HDAC8: variants seen among roughly 807,000 people sequenced by gnomAD.
HDAC8 encodes histone deacetylase 8, also known as histone deacetylase-like 1.
A neutral mutation model predicts 32.2 loss-of-function variants in HDAC8; 1 was observed. The observed-to-expected ratio is 0.03, with a 90% CI of 0.01 to 0.15. HDAC8 has a LOEUF of 0.15. Among genes scored for constraint, HDAC8 ranks in the 10% least tolerant of loss-of-function variants. The pLI is 1.00. For missense variants in HDAC8, 117 were observed against 300.0 expected, an observed-to-expected ratio of 0.39 and a Z score of 4.51; for synonymous variants, 108 against 113.9, an observed-to-expected ratio of 0.95 and a Z score of 0.33.
At chrX:72,363,102 G>C (rs2044599897) in intron 9 of HDAC8, among the ~76,000 whole-genome samples, 1 of 104,009 alleles carries the variant, frequency 9.6e-6, no homozygotes, top group African/African-American at 3.3e-5. Flanking sequence ...TTTTCCTTCA[G>C]GGTATGGTTT....
chrX:72,442,963 A>C (rs2047208700), intron 9 of HDAC8, among the ~76,000 whole-genome samples: 1 of 99,709 alleles, frequency 1.0e-5, no homozygotes, highest in Admixed American at 1.1e-4. Context: ...TGGTAAAGGG[A>C]TCAATTCAAC....
At chrX:72,336,706 C>T (rs782538744) in intron 10 of HDAC8, among the ~76,000 whole-genome samples, 56 of 111,220 alleles carry the variant, frequency 5.0e-4, no homozygotes, top group Non-Finnish European at 7.6e-4. Flanking sequence ...GCAGGAGCCA[C>T]CACACCCCCA....
chrX:72,543,647 A>C (rs1030350632), intron 4 of HDAC8, among the ~76,000 whole-genome samples: 3 of 112,441 alleles, frequency 2.7e-5, no homozygotes, highest in Non-Finnish European at 3.8e-5. Flanking sequence ...GACAGGAGAC[A>C]ACTGAAAGAC....
At chrX:72,519,483 T>A (rs1292628143) in intron 4 of HDAC8, among the ~76,000 whole-genome samples, 2 of 112,611 alleles carry the variant, frequency 1.8e-5, no homozygotes, top group Non-Finnish European at 1.9e-5. Flanking sequence ...TCTTTTTGAT[T>A]ACAGCTATTC....
chrX:72,360,897 A>G (rs1236074704), intron 9 of HDAC8, among the ~76,000 whole-genome samples: 6 of 112,193 alleles, frequency 5.3e-5, no homozygotes, highest in African/African-American at 1.3e-4. Flanking sequence ...GCTTTACAAC[A>G]CAGACAAACA....
intron 2 of HDAC8, among the ~76,000 whole-genome samples, chrX:72,570,788 A>G (rs2052003581): frequency 8.9e-6 from 1 of 112,071 alleles, no homozygotes; most frequent in East Asian, 2.8e-4. Flanking sequence ...GTAATCCTAT[A>G]TGTGGCAGGG....
chrX:72,496,836 T>C (rs1437298048), intron 4 of HDAC8, among the ~76,000 whole-genome samples: 5 of 107,399 alleles, frequency 4.7e-5, no homozygotes, highest in Non-Finnish European at 7.7e-5. Flanking sequence ...AGAAATAATA[T>C]GGCAGATAAA....
rs191148115 is a variant in HDAC8, at chrX:72,342,909, T to A, written c.1111+8824A>T. ...AATGGGGCTAATAATATTATATACA[T>A]TAGAGACTGATCTGCTTCCTAAAGT... On this transcript the variant is annotated intron_variant, in intron 10 of 10. Transcript: ENST00000373573. Among the ~76,000 whole-genome samples, 5 of 111,090 alleles carry A rather than the reference T, an allele frequency of 4.5e-5. No homozygotes were observed. In the East Asian group the frequency reaches 1.4e-3, roughly 32 times the overall value.
chrX:72,356,673 G>A (rs781876142), intron 9 of HDAC8, among the ~76,000 whole-genome samples: 16 of 110,450 alleles, frequency 1.4e-4, no homozygotes, highest in South Asian at 3.9e-4. Context: ...CTCCCCTCCC[G>A]GGTTCAAGTG....
chrX:72,490,279 C>T (rs1425386890), intron 6 of HDAC8, among the ~76,000 whole-genome samples: 2 of 110,481 alleles, frequency 1.8e-5, no homozygotes, highest in Non-Finnish European at 3.8e-5. Context: ...CTATAAATCA[C>T]GCTGCTATAA....
chrX:72,448,338 A>T (rs1208032755), intron 9 of HDAC8, among the ~76,000 whole-genome samples: 2 of 112,084 alleles, frequency 1.8e-5, no homozygotes, highest in Non-Finnish European at 3.8e-5. Flanking sequence ...ATGGGGAAAG[A>T]TTCCCTATTT....
At chrX:72,330,457 C>A (rs112042702) in intron 10 of HDAC8, among the ~76,000 whole-genome samples, 68 of 111,586 alleles carry the variant, frequency 6.1e-4, no homozygotes, top group African/African-American at 2.0e-3. Flanking sequence ...CTCTCTCTCT[C>A]GTAACACTTT....
intron 7 of HDAC8, chrX:72,474,801 T>C: frequency 1.6e-6 from 1 of 628,093 alleles, no homozygotes; most frequent in South Asian, 2.8e-5. Context: ...AAGAACAAAA[T>C]CGTAGAGTTA....
chrX:72,346,913 G>A (rs1461711874), intron 10 of HDAC8, among the ~76,000 whole-genome samples: 1 of 111,666 alleles, frequency 9.0e-6, no homozygotes, highest in African/African-American at 3.3e-5. Flanking sequence ...CATGTAGTGT[G>A]AGGTAGGAGG....
At chrX:72,412,733 T>C (rs1283247187) in intron 9 of HDAC8, among the ~76,000 whole-genome samples, 1 of 111,939 alleles carries the variant, frequency 8.9e-6, no homozygotes, top group Non-Finnish European at 1.9e-5. Flanking sequence ...CCATTATATA[T>C]TGGGAAATGG....
At chrX:72,394,048 T>C (rs980636237) in intron 9 of HDAC8, among the ~76,000 whole-genome samples, 2 of 111,543 alleles carry the variant, frequency 1.8e-5, no homozygotes, top group Non-Finnish European at 3.8e-5. Context: ...GACTCCAGTA[T>C]GACTGCCTTC....
At chrX:72,480,473 G>T (rs1569330831) in intron 7 of HDAC8, 1 of 322,882 alleles carries the variant, frequency 3.1e-6, no homozygotes, top group Admixed American at 3.2e-5. Flanking sequence ...GTGTAAATTA[G>T]TTCAACCATT....
chrX:72,333,956 C>T (rs782028258), intron 10 of HDAC8, among the ~76,000 whole-genome samples: 5 of 111,814 alleles, frequency 4.5e-5, no homozygotes, highest in Non-Finnish European at 5.6e-5. Context: ...AAGACATGTT[C>T]GCAGGGAGGA....
intron 7 of HDAC8, among the ~76,000 whole-genome samples, chrX:72,480,949 T>C (rs1335991434): frequency 9.1e-6 from 1 of 110,091 alleles, no homozygotes; most frequent in Non-Finnish European, 1.9e-5. Flanking sequence ...AAATACCTAA[T>C]GCATATGGGG....
Sources: gnomAD v4.1 joint callset for allele counts (sites outside exome capture counted in the v4.1 genomes callset) on GRCh38, gnomAD v4.1.1 for gene constraint, MANE v1.5 for transcripts, NCBI Gene and HGNC (gene_info 2026-07-23, HGNC 2026-07-21) for gene names.